ARHGAP12: variants seen among roughly 807,000 people sequenced by gnomAD.
ARHGAP12 encodes rho GTPase-activating protein 12.
Under a neutral mutation model 108.6 loss-of-function variants are expected in ARHGAP12, and 64 were observed. That is an observed-to-expected ratio of 0.59 (90% CI 0.48 to 0.73). The LOEUF is 0.73. ARHGAP12 is among the 30% of genes least tolerant of loss of function. The pLI is 0.00. For synonymous variants in ARHGAP12, 312 were observed against 337.2 expected (o/e 0.93, Z 0.82); for missense variants, 940 against 1,005.9 (o/e 0.93, Z 0.89).
intron 10 of ARHGAP12, 121 bp from the exon 11 acceptor site, chr10:31,826,506 T>C (rs771000335): frequency 7.1e-6 from 5 of 707,178 alleles, no homozygotes; most frequent in Non-Finnish European, 1.1e-5. Context: ...TTGTTGACAT[T>C]TTAATTGTTT....
At chr10:31,916,308 C>G (rs1400625589) in intron 1 of ARHGAP12, among the ~76,000 whole-genome samples, 1 of 152,078 alleles carries the variant, frequency 6.6e-6, no homozygotes, top group Non-Finnish European at 1.5e-5. Flanking sequence ...CAGTCTTCTT[C>G]CTCCTCCCTT....
chr10:31,846,973 A>G (rs1462115953), intron 6 of ARHGAP12, among the ~76,000 whole-genome samples: 1 of 131,340 alleles, frequency 7.6e-6, no homozygotes, highest in African/African-American at 3.0e-5. Flanking sequence ...CTACTAACCT[A>G]TCTTCAAGAT....
intron 3 of ARHGAP12, among the ~76,000 whole-genome samples, chr10:31,905,564 T>G (rs1839100836): frequency 6.6e-6 from 1 of 151,656 alleles, no homozygotes; most frequent in Admixed American, 6.6e-5. Flanking sequence ...CCGATAAAGG[T>G]AAAGGAAGAT....
At chr10:31,839,341 TATA>T in intron 8 of ARHGAP12, 22 bp from the exon 9 acceptor site, 1 of 1,604,182 alleles carries the variant, frequency 6.2e-7, no homozygotes, top group Non-Finnish European at 8.5e-7. Flanking sequence ...AAGAGTAAAG[TATA>T]ATGTCATAGT....
chr10:31,922,722 A>G (rs140296214), intron 1 of ARHGAP12, among the ~76,000 whole-genome samples: 332 of 152,324 alleles, frequency 2.2e-3, no homozygotes, highest in South Asian at 0.014. Flanking sequence ...GAATTTTACC[A>G]AAAACGTAAA....
At chr10:31,847,552 A>T (rs1836509067) in intron 6 of ARHGAP12, among the ~76,000 whole-genome samples, 2 of 152,174 alleles carry the variant, frequency 1.3e-5, no homozygotes, top group Admixed American at 1.3e-4. Flanking sequence ...GGCCACTGGG[A>T]GTAGTGTCTA....
chr10:31,901,671 C>T (rs964577252), intron 3 of ARHGAP12, among the ~76,000 whole-genome samples: 2 of 151,110 alleles, frequency 1.3e-5, no homozygotes, highest in South Asian at 2.1e-4. Flanking sequence ...ACTATAAATA[C>T]TTTATTCTAG....
intron 3 of ARHGAP12, among the ~76,000 whole-genome samples, chr10:31,905,973 C>A (rs1358418354): frequency 6.6e-6 from 1 of 151,646 alleles, no homozygotes; most frequent in Non-Finnish European, 1.5e-5. Flanking sequence ...TGTGTAGTCT[C>A]CTCCCACACA....
At chr10:31,925,783 C>T (rs545368771) in intron 1 of ARHGAP12, among the ~76,000 whole-genome samples, 7 of 152,326 alleles carry the variant, frequency 4.6e-5, no homozygotes, top group African/African-American at 2.4e-5. Flanking sequence ...TTCGATACAG[C>T]AGTCACTAGT....
intron 3 of ARHGAP12, among the ~76,000 whole-genome samples, chr10:31,865,837 C>T (rs1837303617): frequency 6.7e-6 from 1 of 150,058 alleles, no homozygotes; most frequent in Non-Finnish European, 1.5e-5. Flanking sequence ...AAGACCGCGA[C>T]GCTGCACTCC....
At chr10:31,839,442 C>G (rs1188592465) in intron 8 of ARHGAP12, 123 bp from the exon 9 acceptor site, 11 of 1,139,440 alleles carry the variant, frequency 9.7e-6, no homozygotes, top group Non-Finnish European at 2.4e-6. Context: ...ATGTAAGATA[C>G]CATATTTTAA....
intron 6 of ARHGAP12, among the ~76,000 whole-genome samples, chr10:31,848,961 C>T (rs553390559): frequency 2.0e-5 from 3 of 151,702 alleles, no homozygotes; most frequent in Admixed American, 1.3e-4. Context: ...ATCCCAGGTA[C>T]GTAGGAGAAT....
Position 31,852,600 on chromosome 10 carries a change from A to G in ARHGAP12, c.1090-3T>C, listed in dbSNP as rs1419223749. Reference sequence around the variant, plus strand: ...TGATCATCAACATGCTTGAGCCACTATAAAAACAGAACAGGTGTTTTTTAT... The same window carrying G: ...TGATCATCAACATGCTTGAGCCACTGTAAAAACAGAACAGGTGTTTTTTAT... On this transcript the variant is annotated splice_region_variant and splice_polypyrimidine_tract_variant and intron_variant, in intron 5 of 19. Transcript: ENST00000344936. 1 of 1,605,746 alleles carries G rather than the reference A, an allele frequency of 6.2e-7. No individual in the cohort carries two copies. Among genetic ancestry groups the G allele is most frequent in the Admixed American group, 1.7e-5 (1 of 59,986 alleles).
At chr10:31,920,449 CAAAAAAAAA>C (rs71027040) in intron 1 of ARHGAP12, among the ~76,000 whole-genome samples, 15 of 59,602 alleles carry the variant, frequency 2.5e-4, no homozygotes, top group East Asian at 5.3e-4. Flanking sequence ...GACTCCGTCT[CAAAAAAAAA>C]AAAAAAAAAA....
At chr10:31,905,758 C>A (rs1049287553) in intron 3 of ARHGAP12, among the ~76,000 whole-genome samples, 1 of 151,992 alleles carries the variant, frequency 6.6e-6, no homozygotes, top group African/African-American at 2.4e-5. Context: ...GGAGAATGTT[C>A]TTTGATTGCA....
At position 31,853,028 on chromosome 10, in the gene ARHGAP12, G is replaced by A. The variant is rs532065358; in HGVS notation, c.1090-431C>T. Among the ~76,000 whole-genome samples the A allele has an allele frequency of 1.9e-3, 294 of 152,098 alleles. 3 individuals are homozygous for A. Among genetic ancestry groups the A allele is most frequent in the African/African-American group, 6.6e-3 (276 of 41,506 alleles). On this transcript the variant is annotated intron_variant, in intron 5 of 19. Coordinates refer to ENST00000344936, the MANE Select transcript of ARHGAP12 (RefSeq NM_018287.7). Reference sequence around the variant, plus strand: ...TAGGCGTCAGCCACGGCGCCCGGCCGGCAACAAAAATTTCTAACTAATTAT... The same window carrying A: ...TAGGCGTCAGCCACGGCGCCCGGCCAGCAACAAAAATTTCTAACTAATTAT...
At chr10:31,914,957 A>G (rs1026247205) in intron 1 of ARHGAP12, among the ~76,000 whole-genome samples, 17 of 152,242 alleles carry the variant, frequency 1.1e-4, no homozygotes, top group Non-Finnish European at 2.2e-4. Context: ...ACTTAGCCAT[A>G]AAAAAGAAGG....
chr10:31,811,950 T>C (rs1835039188), intron 15 of ARHGAP12, among the ~76,000 whole-genome samples: 1 of 152,190 alleles, frequency 6.6e-6, no homozygotes, highest in African/African-American at 2.4e-5. Flanking sequence ...CCACTGCACC[T>C]GGCCTTAAAT....
chr10:31,918,317 A>T (rs545257613), intron 1 of ARHGAP12, among the ~76,000 whole-genome samples: 140 of 21,286 alleles, frequency 6.6e-3, no homozygotes, highest in African/African-American at 0.019. Flanking sequence ...TAGGGAAATC[A>T]CACACACACA....
Sources: allele counts gnomAD v4.1 joint callset (sites outside exome capture counted in the v4.1 genomes callset), GRCh38; gene constraint gnomAD v4.1.1; transcripts MANE v1.5; gene names NCBI Gene and HGNC (gene_info 2026-07-23, HGNC 2026-07-21).